Variants in LDB2 observed in about 807,000 individuals in gnomAD.
LDB2 encodes LIM domain binding 2, also known as LIM domain-binding protein 2.
A neutral mutation model predicts 44.3 loss-of-function variants in LDB2; 12 were observed. The ratio of observed to expected loss-of-function variants is 0.27; its 90% CI spans 0.17 to 0.44. LDB2 has a LOEUF of 0.44. Ranked by LOEUF, LDB2 falls within the 20% of genes least tolerant of loss-of-function variation. LDB2 has a pLI of 1.00. For missense variants in LDB2, 344 were observed against 473.5 expected (o/e 0.73, Z 2.54); for synonymous variants, 164 against 174.8 (o/e 0.94, Z 0.49).
intron 2 of LDB2, among the ~76,000 whole-genome samples, chr4:16,755,816 C>T (rs1203831569): frequency 6.6e-6 from 1 of 152,146 alleles, no homozygotes; most frequent in African/African-American, 2.4e-5. Flanking sequence ...TAGTACCTTC[C>T]TGGTGTTGTC....
chr4:16,753,721 C>G (rs1174530403), intron 2 of LDB2, among the ~76,000 whole-genome samples: 1 of 152,084 alleles, frequency 6.6e-6, no homozygotes, highest in Non-Finnish European at 1.5e-5. Flanking sequence ...AATCCTCGTT[C>G]CAGACAGGGT....
intron 5 of LDB2, among the ~76,000 whole-genome samples, chr4:16,543,285 C>T (rs1362781467): frequency 2.6e-5 from 4 of 152,126 alleles, no homozygotes; most frequent in Non-Finnish European, 5.9e-5. Flanking sequence ...TGGGTATATA[C>T]CCAGTAATGG....
At chr4:16,815,169 T>C (rs1780678690) in intron 1 of LDB2, among the ~76,000 whole-genome samples, 1 of 152,238 alleles carries the variant, frequency 6.6e-6, no homozygotes, top group Non-Finnish European at 1.5e-5. Flanking sequence ...AGGTTTGCCA[T>C]TGGGAAGACA....
At position 16,606,845 on chromosome 4, in the gene LDB2, C is replaced by T. The variant is rs116279317; in HGVS notation, c.236-10970G>A. On this transcript the variant is annotated intron_variant, in intron 2 of 7. Transcript: ENST00000304523. ...CTTCTCCAACTCAAACCAATGGGGA[C>T]ACCCTAAGTCATTGAATTTTGTGTT... 6.1e-3 allele frequency among the ~76,000 whole-genome samples: 924 copies of T among 152,336 alleles called. 7 individuals carry two copies. The highest frequency in any genetic ancestry group is 0.01 in the Non-Finnish European group (691 of 68,026).
chr4:16,706,556 A>G (rs780326625), intron 2 of LDB2, among the ~76,000 whole-genome samples: 13 of 152,246 alleles, frequency 8.5e-5, no homozygotes, highest in Non-Finnish European at 1.8e-4. Flanking sequence ...GGACTAAGAC[A>G]TAAAGAGCAA....
intron 2 of LDB2, among the ~76,000 whole-genome samples, chr4:16,701,392 G>A (rs532128134): frequency 3.9e-5 from 6 of 152,184 alleles, no homozygotes; most frequent in East Asian, 3.9e-4. Flanking sequence ...CTGGCACCAC[G>A]CAACTTTGGA....
intron 2 of LDB2, among the ~76,000 whole-genome samples, chr4:16,659,689 A>ATATATATATATG (rs1310756163): frequency 5.7e-5 from 8 of 140,646 alleles, no homozygotes; most frequent in South Asian, 2.4e-4. Flanking sequence ...ATATATATAT[A>ATATATATATATG]TATGTATGTA....
chr4:16,609,351 C>CGGGGGGGGGG (rs71181179), intron 2 of LDB2, among the ~76,000 whole-genome samples: 4 of 108,848 alleles, frequency 3.7e-5, no homozygotes, highest in African/African-American at 6.6e-5. Context: ...GGGGAGGGGG[C>CGGGGGGGGGG]GGGGGGGGGA....
rs545842099 is a variant in LDB2, at chr4:16,665,942, C to T, written c.236-70067G>A. Reference sequence around the variant, plus strand: ...ATTGAAGTGATGGAGCTACAAGCCCCGGAATGTTGAAGATTGCCTACAATA... The same window carrying T: ...ATTGAAGTGATGGAGCTACAAGCCCTGGAATGTTGAAGATTGCCTACAATA... On this transcript the variant is annotated intron_variant, in intron 2 of 7. Coordinates refer to ENST00000304523, the MANE Select transcript of LDB2 (RefSeq NM_001290.5). Among the ~76,000 whole-genome samples the T allele has an allele frequency of 7.1e-4, 108 of 152,218 alleles. 1 individual carries two copies. Among genetic ancestry groups the T allele is most frequent in the Admixed American group, 5.6e-3 (86 of 15,294 alleles).
chr4:16,752,956 C>T (rs749901944), intron 2 of LDB2, among the ~76,000 whole-genome samples: 28 of 152,090 alleles, frequency 1.8e-4, no homozygotes, highest in Non-Finnish European at 3.4e-4. Flanking sequence ...GCAGGGCCAG[C>T]TGGCCATGCC....
chr4:16,719,353 T>C (rs1010841543), intron 2 of LDB2, among the ~76,000 whole-genome samples: 1 of 152,174 alleles, frequency 6.6e-6, no homozygotes, highest in Admixed American at 6.6e-5. Context: ...GCTCATTAGC[T>C]TGACAGAATA....
At chr4:16,597,130 C>A (rs1721189840) in intron 2 of LDB2, among the ~76,000 whole-genome samples, 1 of 152,094 alleles carries the variant, frequency 6.6e-6, no homozygotes, top group African/African-American at 2.4e-5. Context: ...TTGTGTGGAT[C>A]TATATCTCTT....
chr4:16,891,593 G>C (rs140916399), intron 1 of LDB2, among the ~76,000 whole-genome samples: 2,699 of 152,210 alleles, frequency 0.018, 67 homozygotes, highest in African/African-American at 0.062. Flanking sequence ...TTACAGGCTT[G>C]AGCCACCGTG....
intron 1 of LDB2, among the ~76,000 whole-genome samples, chr4:16,812,046 T>A (rs994421269): frequency 1.2e-4 from 18 of 152,244 alleles, no homozygotes; most frequent in Admixed American, 9.8e-4. Flanking sequence ...ATAAGATATC[T>A]TGCACTCTAT....
chr4:16,732,392 C>T (rs1760943341), intron 2 of LDB2, among the ~76,000 whole-genome samples: 1 of 152,196 alleles, frequency 6.6e-6, no homozygotes, highest in South Asian at 2.1e-4. Flanking sequence ...GATTTGATCA[C>T]AATGCTCTTT....
At chr4:16,573,465 T>C (rs779269655) in intron 5 of LDB2, among the ~76,000 whole-genome samples, 13 of 152,306 alleles carry the variant, frequency 8.5e-5, no homozygotes, top group Middle Eastern at 3.4e-3. Context: ...AGTCCACTGG[T>C]CATGCACTAT....
At chr4:16,536,196 CCCA>C (rs1731795793) in intron 5 of LDB2, among the ~76,000 whole-genome samples, 1 of 152,188 alleles carries the variant, frequency 6.6e-6, no homozygotes, top group Non-Finnish European at 1.5e-5. Flanking sequence ...ATGAAGGATG[CCCA>C]TGTAGCTCAT....
At chr4:16,595,640 T>G in intron 3 of LDB2, 63 bp downstream of exon 3, 2 of 1,470,602 alleles carry the variant, frequency 1.4e-6, no homozygotes, top group Non-Finnish European at 1.9e-6. Flanking sequence ...AAAACCATAA[T>G]TATTATTCTT....
chr4:16,677,548 C>T (rs560716671), intron 2 of LDB2, among the ~76,000 whole-genome samples: 23 of 152,292 alleles, frequency 1.5e-4, no homozygotes, highest in Non-Finnish European at 2.5e-4. Context: ...GCAGCATTGG[C>T]TCTGCTGATC....
Sources: gnomAD v4.1 joint callset for allele counts (sites outside exome capture counted in the v4.1 genomes callset) on GRCh38, gnomAD v4.1.1 for gene constraint, MANE v1.5 for transcripts, NCBI Gene and HGNC (gene_info 2026-07-23, HGNC 2026-07-21) for gene names.